The following MIF4GD variants were observed in gnomAD, a reference collection of about 807,000 sequenced individuals.
MIF4GD encodes the protein MIF4G domain containing.
MIF4GD carries 22 observed loss-of-function variants against 26.7 expected under a neutral mutation model. That is an observed-to-expected ratio of 0.82 (90% CI 0.59 to 1.18). The LOEUF (loss-of-function observed/expected upper bound fraction) is 1.18. MIF4GD is among the 50% of genes most tolerant of loss of function. MIF4GD has a pLI of 0.00. For synonymous variants in MIF4GD, 137 were observed against 111.6 expected (o/e 1.23, Z -1.43); for missense variants, 262 against 279.6 (o/e 0.94, Z 0.45).
At position 75,267,455 on chromosome 17, in the gene MIF4GD, G is replaced by C. The variant is rs764894505; in HGVS notation, c.441+83C>G. On this transcript the variant is annotated intron_variant, in intron 5 of 5. Transcript: ENST00000325102. Reference sequence around the variant, plus strand: ...AGTGACACAGTCCTCAGAGACCTCCGTGAGCAGTGGGCTGACACACGGCTG... The same window carrying C: ...AGTGACACAGTCCTCAGAGACCTCCCTGAGCAGTGGGCTGACACACGGCTG... The C allele has an allele frequency of 2.9e-6, 4 of 1,375,962 alleles. No individual in the cohort carries two copies. In the African/African-American group the frequency reaches 5.7e-5, roughly 20 times the overall value. 85.2% of individuals were successfully genotyped at this position (1,375,962 alleles called of 1,614,324 possible). A position where few individuals can be genotyped will look rare whatever the true frequency, so the allele number is the denominator to read the frequency against.
chr17:75,266,298 G>C lies in MIF4GD; in HGVS notation c.*442C>G. 1 of 357,064 alleles carries C rather than the reference G, an allele frequency of 2.8e-6. No homozygotes were observed. The highest frequency in any genetic ancestry group is 2.9e-5 in the South Asian group (1 of 34,474). The allele number at this position is 357,064 out of a possible 1,614,324, so 22.1% of individuals were successfully genotyped here. A position where few individuals can be genotyped will look rare whatever the true frequency, so the allele number is the denominator to read the frequency against. ...GGTGTAGCATGTGGTGCAGCATTCA[G>C]TGAAACTGGCTGGAGGAAATAGGCT... On this transcript the variant is annotated 3_prime_UTR_variant, in exon 6 of 6. Transcript: ENST00000325102.
At chr17:75,268,352 G>A (rs1447706886) in intron 2 of MIF4GD, among the ~76,000 whole-genome samples, 160 bp from the exon 3 acceptor site, 2 of 152,164 alleles carry the variant, frequency 1.3e-5, no homozygotes, top group Non-Finnish European at 2.9e-5. Context: ...TGGTGCAATT[G>A]GTTAGCGCAT....
Position 75,266,610 on chromosome 17 carries a change from A to G in MIF4GD, c.*130T>C. 7.2e-6 allele frequency: 6 copies of G among 836,062 alleles called. No homozygotes were observed. In the South Asian group the frequency reaches 9.5e-5, roughly 13 times the overall value. The allele number at this position is 836,062 out of a possible 1,614,324, so 51.8% of individuals were successfully genotyped here. A position where few individuals can be genotyped will look rare whatever the true frequency, so the allele number is the denominator to read the frequency against. ...GGGAAACATCTCACCAGGAGATGGGAAAGTCTAGAAGGGAAGACACTCAAA... is the reference window on the plus strand; with the variant it reads ...GGGAAACATCTCACCAGGAGATGGGGAAGTCTAGAAGGGAAGACACTCAAA... On this transcript the variant is annotated 3_prime_UTR_variant, in exon 6 of 6. Transcript: ENST00000325102.
Position 75,268,120 on chromosome 17 carries a change from C to T in MIF4GD, c.155G>A (p.Ser52Asn), listed in dbSNP as rs750144132. The part of the protein sequence containing the change: ...VDHSLQDCVF[S>N]KEAGRMCYAI... ...GTAGCACATGCGTCCTGCTTCCTTG[C>T]TGAACACACAGTCCTGCAGAGAATG... Residue 52 changes from serine (S) to asparagine (N), a missense_variant, in exon 3 of 6, where the codon AGC (serine) becomes AAC (asparagine). Transcript: ENST00000325102. 6 of 1,614,254 alleles carry T rather than the reference C, an allele frequency of 3.7e-6. No homozygotes were observed. In the South Asian group the frequency reaches 5.5e-5, roughly 15 times the overall value.
Position 75,271,019 on chromosome 17 carries a change from G to A in MIF4GD, c.-51+125C>T, listed in dbSNP as rs1375541875. 1 of 152,074 alleles carries A rather than the reference G, an allele frequency of 6.6e-6. No individual in the cohort carries two copies. Among genetic ancestry groups the A allele is most frequent in the Non-Finnish European group, 1.5e-5 (1 of 68,012 alleles). 9.4% of individuals were successfully genotyped at this position (152,074 alleles called of 1,614,324 possible). A position where few individuals can be genotyped will look rare whatever the true frequency, so the allele number is the denominator to read the frequency against. The stretch of plus-strand genomic sequence containing the variant: ...CTCTGGCCGTAGGAGGCGCCTTTAG[G>A]GTCTCCAGCCCTCGGCCGTTCCCCC... On this transcript the variant is annotated intron_variant, in intron 1 of 5. Transcript: ENST00000325102. The surrounding 1 kb of genome is among the most constrained non-coding windows in gnomAD (Gnocchi z 4.2).
intron 2 of MIF4GD, among the ~76,000 whole-genome samples, chr17:75,269,180 G>A (rs2077618219): frequency 6.6e-6 from 1 of 152,194 alleles, no homozygotes; most frequent in Admixed American, 6.5e-5. Context: ...GCACTAGGTT[G>A]AGGAAGGAAT....
chr17:75,269,244 C>CTACACACA, intron 2 of MIF4GD: 1 of 1,338,840 alleles, frequency 7.5e-7, no homozygotes, highest in South Asian at 1.3e-5. Context: ...TGTTCTTATA[C>CTACACACA]TACACACATG....
rs1199564426 is a variant in MIF4GD, at chr17:75,266,961, A to C, written c.448T>G (p.Cys150Gly). 1 of 1,613,498 alleles carries C rather than the reference A, an allele frequency of 6.2e-7. No individual in the cohort carries two copies. Residue 150 changes from cysteine (C) to glycine (G), a missense_variant, in exon 6 of 6, where the codon TGT (cysteine) becomes GGT (glycine). Transcript: ENST00000325102. The stretch of plus-strand genomic sequence containing the variant: ...ACCCGGTGCAGCTGCAGCACCAAAC[A>C]GTCCACCTGCAGGCGACAGTGTGGG... ...DSLSKEEEVD[C>G]LVLQLHRVGE...
Position 75,270,093 on chromosome 17 carries a change from C to T in MIF4GD, c.82+21G>A, listed in dbSNP as rs1479293075. On this transcript the variant is annotated intron_variant, in intron 2 of 5. Transcript: ENST00000325102. This position sits in a 1 kb window ranked among gnomAD's most constrained non-coding sequence, Gnocchi z 5.7. ...TTCTCTGTAGCTCCTGACCCCAGCT[C>T]AGGAGGGGTCCCGTGCTCACCTTTG... The T allele has an allele frequency of 6.2e-7, 1 of 1,611,240 alleles. No individual in the cohort carries two copies. The highest frequency in any genetic ancestry group is 8.5e-7 in the Non-Finnish European group (1 of 1,177,588).
chr17:75,270,059 C>T lies in MIF4GD; in HGVS notation c.82+55G>A. The T allele has an allele frequency of 1.3e-6, 2 of 1,515,462 alleles. No individual in the cohort carries two copies. The highest frequency in any genetic ancestry group is 1.8e-6 in the Non-Finnish European group (2 of 1,091,916). 93.9% of individuals were successfully genotyped at this position (1,515,462 alleles called of 1,614,324 possible). A position where few individuals can be genotyped will look rare whatever the true frequency, so the allele number is the denominator to read the frequency against. On this transcript the variant is annotated intron_variant, in intron 2 of 5. Transcript: ENST00000325102. This position sits in a 1 kb window ranked among gnomAD's most constrained non-coding sequence, Gnocchi z 5.7. Reference sequence around the variant, plus strand: ...CAGGCTCAGCCTCTGGTGCTGCCCACAGGGGCCCTTCTCTGTAGCTCCTGA... The same window carrying T: ...CAGGCTCAGCCTCTGGTGCTGCCCATAGGGGCCCTTCTCTGTAGCTCCTGA...
rs780889452 is a variant in MIF4GD at position 75,266,879 on chromosome 17, A to G, written c.530T>C (p.Ile177Thr). The G allele has an allele frequency of 1.2e-6, 2 of 1,614,164 alleles. No homozygotes were observed. The highest frequency in any genetic ancestry group is 1.7e-6 in the Non-Finnish European group (2 of 1,180,036). Reference sequence around the variant, plus strand: ...AGTTGGGAGCAGGAAGCCATCCCGGATCAGCACAAAGAGCTCATCCATGCG... The same window carrying G: ...AGTTGGGAGCAGGAAGCCATCCCGGGTCAGCACAAAGAGCTCATCCATGCG... Reference protein sequence around the residue: ...GQRMDELFVLIRDGFLLPTGL... With the variant: ...GQRMDELFVLTRDGFLLPTGL... Residue 177 changes from isoleucine (I) to threonine (T), a missense_variant, in exon 6 of 6, where the codon ATC (isoleucine) becomes ACC (threonine). By Grantham distance (89) the Ile-to-Thr change is moderately conservative. Transcript: ENST00000325102.
chr17:75,267,535 C>T lies in MIF4GD; in HGVS notation c.441+3G>A. 2 of 1,614,068 alleles carry T rather than the reference C, an allele frequency of 1.2e-6. No homozygotes were observed. The highest frequency in any genetic ancestry group is 1.7e-6 in the Non-Finnish European group (2 of 1,179,978). Reference sequence around the variant, plus strand: ...TGCTTGTGCCAGGGCTGGGGCCACCCACCTCCTCCTCCTTGCTCAAACTGT... The same window carrying T: ...TGCTTGTGCCAGGGCTGGGGCCACCTACCTCCTCCTCCTTGCTCAAACTGT... On this transcript the variant is annotated splice_donor_region_variant and intron_variant, in intron 5 of 5. Coordinates refer to ENST00000325102, the MANE Select transcript of MIF4GD (RefSeq NM_001370592.1).
At position 75,270,310 on chromosome 17, in the gene MIF4GD, G is replaced by A; in HGVS notation, c.-50-65C>T. On this transcript the variant is annotated intron_variant, in intron 1 of 5. Transcript: ENST00000325102. This position sits in a 1 kb window ranked among gnomAD's most constrained non-coding sequence, Gnocchi z 5.7. ...GCGCAGGGCGGGTTCCGTCCTGCAG[G>A]CCCTGGACGGGGCTGACGGCGCGCT... 1.1e-6 allele frequency: 1 copy of A among 928,860 alleles called. No individual in the cohort carries two copies. The highest frequency in any genetic ancestry group is 1.7e-6 in the Non-Finnish European group (1 of 581,160). The allele number at this position is 928,860 out of a possible 1,614,324, so 57.5% of individuals were successfully genotyped here.
rs956147985 is a variant in MIF4GD at position 75,270,235 on chromosome 17, A to G, written c.-40T>C. ...GGTAGCTCTTGACTGGGCTGGGAATAAGGACAGCACCTGAGGAGAAGAGGC... is the reference window on the plus strand; with the variant it reads ...GGTAGCTCTTGACTGGGCTGGGAATGAGGACAGCACCTGAGGAGAAGAGGC... On this transcript the variant is annotated 5_prime_UTR_variant, in exon 2 of 6. Transcript: ENST00000325102. This position sits in a 1 kb window ranked among gnomAD's most constrained non-coding sequence, Gnocchi z 5.7. 4 of 1,554,838 alleles carry G rather than the reference A, an allele frequency of 2.6e-6. No homozygotes were observed. The highest frequency in any genetic ancestry group is 3.3e-5 in the Admixed American group (2 of 59,910).
At chr17:75,266,991 A>C in intron 5 of MIF4GD, 24 bp from the exon 6 acceptor site, 1 of 1,600,140 alleles carries the variant, frequency 6.2e-7, no homozygotes, top group Non-Finnish European at 8.5e-7. Flanking sequence ...TGTGGGTAAC[A>C]CAAGTGAACT....
chr17:75,266,556 G>A lies in MIF4GD; in HGVS notation c.*184C>T. 1 of 635,584 alleles carries A rather than the reference G, an allele frequency of 1.6e-6. No homozygotes were observed. Among genetic ancestry groups the A allele is most frequent in the Non-Finnish European group, 2.7e-6 (1 of 364,322 alleles). The allele number at this position is 635,584 out of a possible 1,614,324, so 39.4% of individuals were successfully genotyped here. On this transcript the variant is annotated 3_prime_UTR_variant, in exon 6 of 6. Coordinates refer to ENST00000325102, the MANE Select transcript of MIF4GD (RefSeq NM_001370592.1). ...GCCGTGGTGGGTTGTGGTGGGGAAA[G>A]GGGCTCAGGGCAGGACCACGGCATA...
chr17:75,268,571 C>T (rs1368578471), intron 2 of MIF4GD, among the ~76,000 whole-genome samples: 1 of 150,180 alleles, frequency 6.7e-6, no homozygotes, highest in African/African-American at 2.5e-5. Flanking sequence ...ACTTGGGAGG[C>T]TAGGGCAGGA....
intron 5 of MIF4GD, among the ~76,000 whole-genome samples, chr17:75,267,262 CCACAGCTAGCCATGGCTTG>C (rs1230248713): frequency 6.6e-6 from 1 of 152,220 alleles, no homozygotes; most frequent in African/African-American, 2.4e-5. Flanking sequence ...CCGTCTGTAC[CCACAGCTAGCCATGGCTTG>C]CACAGCTGCC....
chr17:75,267,021 A>T, intron 5 of MIF4GD, 54 bp from the exon 6 acceptor site: 1 of 1,513,726 alleles, frequency 6.6e-7, no homozygotes. Context: ...CCAGCCTCTC[A>T]CACAGCATTT....
Sources: allele counts gnomAD v4.1 joint callset (sites outside exome capture counted in the v4.1 genomes callset), GRCh38; gene constraint gnomAD v4.1.1; non-coding constraint Gnocchi (gnomAD v3.1); transcripts MANE v1.5; gene names NCBI Gene and HGNC (gene_info 2026-07-23, HGNC 2026-07-21).